RBFOX1: variants seen among roughly 807,000 people sequenced by gnomAD.
The protein encoded by RBFOX1 is RNA binding protein fox-1 homolog 1.
Under a neutral mutation model 57.7 loss-of-function variants are expected in RBFOX1, and 8 were observed. The observed-to-expected ratio is 0.14, with a 90% CI of 0.08 to 0.25. The LOEUF is 0.25. RBFOX1 is among the 10% of genes least tolerant of loss of function. The probability of loss-of-function intolerance (pLI) is 1.00; values close to 1 mark genes in which losing one functional copy is unlikely to be tolerated. For synonymous variants in RBFOX1, 326 were observed against 222.4 expected (o/e 1.47, Z -4.15); for missense variants, 611 against 548.5 (o/e 1.11, Z -1.14).
intron 3 of RBFOX1, among the ~76,000 whole-genome samples, chr16:5,611,684 A>G (rs1416712165): frequency 1.2e-4 from 14 of 117,844 alleles, no homozygotes; most frequent in Admixed American, 1.1e-3. Flanking sequence ...CCATCCATCC[A>G]CCCACTCCCC....
At chr16:6,027,102 T>G (rs12149886) in intron 1 of RBFOX1, among the ~76,000 whole-genome samples, 1 of 152,170 alleles carries the variant, frequency 6.6e-6, no homozygotes, top group Non-Finnish European at 1.5e-5. Context: ...TTTTAGAATA[T>G]AGAGTGTCAG....
chr16:7,451,728 C>G (rs1412568811), intron 4 of RBFOX1, among the ~76,000 whole-genome samples: 3 of 136,856 alleles, frequency 2.2e-5, no homozygotes, highest in Non-Finnish European at 4.6e-5. Flanking sequence ...CAGCACTTTT[C>G]TGAAGGAGAA....
chr16:7,543,614 G>A (rs73484492), intron 5 of RBFOX1, among the ~76,000 whole-genome samples: 1,842 of 151,468 alleles, frequency 0.012, 47 homozygotes, highest in African/African-American at 0.041. Flanking sequence ...CATTGCTTAA[G>A]GATTTCTTAA....
chr16:6,793,859 G>A (rs149167815), intron 3 of RBFOX1, among the ~76,000 whole-genome samples: 1 of 152,108 alleles, frequency 6.6e-6, no homozygotes, highest in African/African-American at 2.4e-5. Flanking sequence ...TGGTATAGCT[G>A]ATGGAAATGA....
At chr16:6,770,216 T>C (rs555395539) in intron 3 of RBFOX1, among the ~76,000 whole-genome samples, 19 of 152,300 alleles carry the variant, frequency 1.2e-4, no homozygotes, top group African/African-American at 4.6e-4. Context: ...AACTACAGAA[T>C]TTTTTGGGTT....
rs78678809 is a variant in RBFOX1, at chr16:6,289,692, G to T, written c.-126-27303G>T. ...TACAAGAAGATGCATTGAGCAATAGGAATTATAAAATGAAAAGGTAAGGAT... is the reference window on the plus strand; with the variant it reads ...TACAAGAAGATGCATTGAGCAATAGTAATTATAAAATGAAAAGGTAAGGAT... On this transcript the variant is annotated intron_variant, in intron 1 of 15. Coordinates refer to ENST00000550418, the MANE Select transcript of RBFOX1 (RefSeq NM_018723.4). Among the ~76,000 whole-genome samples the T allele has an allele frequency of 9.9e-3, 1,506 of 152,226 alleles. 12 individuals carry two copies. The highest frequency in any genetic ancestry group is 0.013 in the Non-Finnish European group (918 of 68,004).
intron 4 of RBFOX1, among the ~76,000 whole-genome samples, chr16:5,890,784 C>T (rs1311914216): frequency 6.6e-6 from 1 of 150,588 alleles, no homozygotes; most frequent in African/African-American, 2.4e-5. Context: ...TTAGATCCTA[C>T]ACCATATTGC....
intron 3 of RBFOX1, among the ~76,000 whole-genome samples, chr16:5,798,657 T>C (rs1032692597): frequency 3.0e-4 from 45 of 152,240 alleles, no homozygotes; most frequent in Non-Finnish European, 1.5e-5. Flanking sequence ...AATATATGTG[T>C]GTCAAATGGG....
chr16:7,301,291 T>A (rs1433438082), intron 4 of RBFOX1, among the ~76,000 whole-genome samples: 1 of 152,238 alleles, frequency 6.6e-6, no homozygotes, highest in African/African-American at 2.4e-5. Context: ...GAAGGGGACT[T>A]GTCCCTGTGT....
intron 4 of RBFOX1, among the ~76,000 whole-genome samples, chr16:7,501,399 G>A (rs1567534924): frequency 1.3e-5 from 2 of 152,166 alleles, no homozygotes; most frequent in Admixed American, 1.3e-4. Context: ...TATCATTGTT[G>A]CATTTACTCT....
In RBFOX1 at chr16:5,325,469, G is replaced by A. The variant is rs530029240; in HGVS notation, c.219+85364G>A. Among the ~76,000 whole-genome samples, 12 of 152,176 alleles carry A rather than the reference G, an allele frequency of 7.9e-5. No individual in the cohort carries two copies. The South Asian group carries it at 1.0e-3, about 13-fold the overall frequency. On this transcript the variant is annotated intron_variant, in intron 1 of 2. Coordinates refer to the RBFOX1 transcript ENST00000585867. ...TAAATTAACGTACAGTAAAATTGCC[G>A]TTTTTTGGATGTACGGTTCTATGAA...
At chr16:5,675,683 G>T (rs570544928) in intron 3 of RBFOX1, among the ~76,000 whole-genome samples, 18 of 152,308 alleles carry the variant, frequency 1.2e-4, no homozygotes, top group African/African-American at 4.1e-4. Flanking sequence ...CTATGGATTT[G>T]CAAGGCTGTG....
chr16:5,751,255 C>G (rs952612499), intron 3 of RBFOX1, among the ~76,000 whole-genome samples: 28 of 152,134 alleles, frequency 1.8e-4, no homozygotes, highest in Admixed American at 1.7e-3. Context: ...TATGAAGTTT[C>G]TTCTCAGCTC....
chr16:5,765,088 G>A (rs1299361834), intron 3 of RBFOX1, among the ~76,000 whole-genome samples: 1 of 152,180 alleles, frequency 6.6e-6, no homozygotes, highest in African/African-American at 2.4e-5. Flanking sequence ...GCACAGGCAA[G>A]CATGTTTGCA....
intron 1 of RBFOX1, among the ~76,000 whole-genome samples, chr16:6,131,873 G>C (rs962036370): frequency 6.6e-6 from 1 of 152,174 alleles, no homozygotes; most frequent in Non-Finnish European, 1.5e-5. Flanking sequence ...GCGGCTGTTT[G>C]AGAGGTTAAA....
intron 1 of RBFOX1, among the ~76,000 whole-genome samples, chr16:5,265,746 T>C (rs907829687): frequency 2.0e-5 from 3 of 152,176 alleles, no homozygotes; most frequent in African/African-American, 4.8e-5. Context: ...AGAGGCTGAA[T>C]TAAACAAATA....
chr16:6,886,447 C>G (rs886867702), intron 3 of RBFOX1, among the ~76,000 whole-genome samples: 1 of 151,892 alleles, frequency 6.6e-6, no homozygotes, highest in Non-Finnish European at 1.5e-5. Context: ...AAAGGCATTC[C>G]AATTTCCAAG....
intron 2 of RBFOX1, among the ~76,000 whole-genome samples, chr16:6,482,976 A>C (rs1035389180): frequency 6.6e-6 from 1 of 152,218 alleles, no homozygotes; most frequent in African/African-American, 2.4e-5. Context: ...CTATTCTGTC[A>C]TGTGGTACAT....
chr16:6,934,318 A>G lies in RBFOX1; in HGVS notation c.-15-117739A>G, dbSNP rs185960245. 2.5e-3 allele frequency among the ~76,000 whole-genome samples: 375 copies of G among 152,180 alleles called. 1 individual carries two copies. Among genetic ancestry groups the G allele is most frequent in the Non-Finnish European group, 4.3e-3 (293 of 67,994 alleles). On this transcript the variant is annotated intron_variant, in intron 3 of 15. Transcript: ENST00000550418. ...TTTCTTTTTCATGATGTTTTCCTTT[A>G]TTTCTTTTATCAATACAGAATACGT... is the stretch of plus-strand genomic sequence containing the variant.
Sources: allele counts gnomAD v4.1 joint callset (sites outside exome capture counted in the v4.1 genomes callset), GRCh38; gene constraint gnomAD v4.1.1; transcripts MANE v1.5; gene names NCBI Gene and HGNC (gene_info 2026-07-23, HGNC 2026-07-21).